The following EBF1 variants were observed in gnomAD, a reference collection of about 807,000 sequenced individuals.
The protein encoded by EBF1 is transcription factor COE1.
In EBF1, 10 loss-of-function variants were observed where a neutral mutation model predicts 68.4. That is an observed-to-expected ratio of 0.15 (90% CI 0.09 to 0.25). The LOEUF (loss-of-function observed/expected upper bound fraction) is 0.25. Ranked by LOEUF, EBF1 falls within the 10% of genes least tolerant of loss-of-function variation. EBF1 has a pLI of 1.00. For synonymous variants in EBF1, 298 were observed against 299.8 expected (o/e 0.99, Z 0.06); for missense variants, 509 against 794.4 (o/e 0.64, Z 4.32).
chr5:158,744,811 T>C (rs568930512), intron 10 of EBF1, among the ~76,000 whole-genome samples: 3 of 152,324 alleles, frequency 2.0e-5, no homozygotes, highest in African/African-American at 7.2e-5. Context: ...GAAACAACTA[T>C]GATGATAAAC....
At chr5:159,096,880 C>T (rs939183728) in intron 2 of EBF1, 94 bp downstream of exon 2, 118 of 1,468,396 alleles carry the variant, frequency 8.0e-5, no homozygotes, top group Non-Finnish European at 1.0e-4. Context: ...GTTATGGATG[C>T]TTTGCACTCA....
chr5:158,888,744 TG>T (rs1185750392), intron 6 of EBF1, among the ~76,000 whole-genome samples: 1 of 152,106 alleles, frequency 6.6e-6, no homozygotes, highest in Non-Finnish European at 1.5e-5. Context: ...TCTCCACTAC[TG>T]CCCTATCATC....
At chr5:158,876,132 A>G (rs1797769290) in intron 6 of EBF1, among the ~76,000 whole-genome samples, 1 of 152,166 alleles carries the variant, frequency 6.6e-6, no homozygotes, top group Non-Finnish European at 1.5e-5. Flanking sequence ...TGACTAGTTG[A>G]AACACTACGG....
chr5:158,910,507 G>C (rs1319774786), intron 6 of EBF1, among the ~76,000 whole-genome samples: 2 of 152,172 alleles, frequency 1.3e-5, no homozygotes, highest in Middle Eastern at 3.2e-3. Context: ...AATTACTTTG[G>C]TGAAATTAGA....
At chr5:158,758,209 G>C (rs1031012285) in intron 10 of EBF1, among the ~76,000 whole-genome samples, 1 of 152,194 alleles carries the variant, frequency 6.6e-6, no homozygotes, top group African/African-American at 2.4e-5. Flanking sequence ...CTTGACTCTT[G>C]ATCCATTCAT....
intron 6 of EBF1, among the ~76,000 whole-genome samples, chr5:159,062,611 G>A (rs1309544789): frequency 2.6e-5 from 4 of 152,250 alleles, no homozygotes; most frequent in East Asian, 1.9e-4. Flanking sequence ...AAACAAAGGC[G>A]CTGCTTGCAC....
In EBF1 at chr5:158,969,900, GAAAGAAAGAAAGAAAGAAAA is replaced by G. The variant is rs1445219443; in HGVS notation, c.554+103476_554+103495del. On this transcript the variant is annotated intron_variant, in intron 6 of 15. Transcript: ENST00000313708. ...AGAAAGAAAGAAAGAAAGAAAGAAA[GAAAGAAAGAAAGAAAGAAAA>G]AAAAAAAAAAGGCTGCTGGAAGTTT... is the stretch of plus-strand genomic sequence containing the variant. Among the ~76,000 whole-genome samples the G allele has an allele frequency of 2.6e-3, 274 of 107,214 alleles. 8 individuals carry two copies. The highest frequency in any genetic ancestry group is 8.3e-3 in the South Asian group (28 of 3,388). 70.3% of individuals were successfully genotyped at this position (107,214 alleles called of 152,430 possible).
intron 6 of EBF1, among the ~76,000 whole-genome samples, chr5:158,979,196 C>T (rs1355402705): frequency 6.6e-6 from 1 of 152,140 alleles, no homozygotes; most frequent in African/African-American, 2.4e-5. Flanking sequence ...TGTATAAGAT[C>T]TATATGAAAG....
chr5:159,075,075 T>G (rs1160293681), intron 5 of EBF1, among the ~76,000 whole-genome samples: 1 of 152,206 alleles, frequency 6.6e-6, no homozygotes, highest in Non-Finnish European at 1.5e-5. Context: ...AGAACACTGG[T>G]TCTGAAATCT....
chr5:158,709,941 G>C (rs1223230751), intron 14 of EBF1, among the ~76,000 whole-genome samples: 1 of 152,112 alleles, frequency 6.6e-6, no homozygotes, highest in African/African-American at 2.4e-5. Context: ...GGGAGTTTTG[G>C]GGTGGGGGGC....
intron 8 of EBF1, among the ~76,000 whole-genome samples, chr5:158,797,903 C>T (rs1779868324): frequency 6.6e-6 from 1 of 152,126 alleles, no homozygotes; most frequent in Admixed American, 6.6e-5. Context: ...TGATTCGTGA[C>T]TTGACATTTC....
intron 6 of EBF1, among the ~76,000 whole-genome samples, chr5:158,906,593 G>C (rs756570883): frequency 2.0e-5 from 3 of 152,174 alleles, no homozygotes; most frequent in Non-Finnish European, 2.9e-5. Context: ...TCTGTACTTG[G>C]TCTTACTGAA....
At chr5:158,871,887 A>AAAACG (rs1259040388) in intron 6 of EBF1, among the ~76,000 whole-genome samples, 3 of 152,318 alleles carry the variant, frequency 2.0e-5, no homozygotes, top group South Asian at 4.1e-4. Flanking sequence ...AAAACAAAAC[A>AAAACG]AAAACCCAGA....
At chr5:158,947,411 C>G (rs1161446343) in intron 6 of EBF1, among the ~76,000 whole-genome samples, 1 of 152,202 alleles carries the variant, frequency 6.6e-6, no homozygotes, top group African/African-American at 2.4e-5. Context: ...TCCCTCACAG[C>G]AGGGTCCCTC....
chr5:159,054,823 C>A (rs1774452853), intron 6 of EBF1, among the ~76,000 whole-genome samples: 2 of 152,170 alleles, frequency 1.3e-5, no homozygotes, highest in African/African-American at 2.4e-5. Flanking sequence ...GCACAGGCAA[C>A]CTCTGCCCAC....
At chr5:158,920,367 C>G (rs911603753) in intron 6 of EBF1, among the ~76,000 whole-genome samples, 11 of 152,184 alleles carry the variant, frequency 7.2e-5, no homozygotes, top group African/African-American at 1.9e-4. Context: ...ATTGTTCTAC[C>G]TTTTCCATCC....
chr5:159,027,630 T>C (rs1254514134), intron 6 of EBF1, among the ~76,000 whole-genome samples: 1 of 152,252 alleles, frequency 6.6e-6, no homozygotes, highest in Non-Finnish European at 1.5e-5. Flanking sequence ...ATTTGACCAG[T>C]TGATCTTCAG....
chr5:158,739,994 C>T (rs969113593), intron 10 of EBF1, among the ~76,000 whole-genome samples: 22 of 152,174 alleles, frequency 1.4e-4, no homozygotes, highest in African/African-American at 3.4e-4. Context: ...TTTCTGAGCA[C>T]GCATTTTTCC....
chr5:159,050,807 C>T (rs1356441909), intron 6 of EBF1, among the ~76,000 whole-genome samples: 1 of 152,164 alleles, frequency 6.6e-6, no homozygotes, highest in Non-Finnish European at 1.5e-5. Context: ...GAATTGCTCC[C>T]GGAGGGAGTA....
Sources: gnomAD v4.1 joint callset for allele counts (sites outside exome capture counted in the v4.1 genomes callset) on GRCh38, gnomAD v4.1.1 for gene constraint, MANE v1.5 for transcripts, NCBI Gene and HGNC (gene_info 2026-07-23, HGNC 2026-07-21) for gene names.